Variants in PDE10A observed in about 807,000 individuals in gnomAD.
PDE10A encodes the protein phosphodiesterase 10A.
A neutral mutation model predicts 97.7 loss-of-function variants in PDE10A; 39 were observed. The ratio of observed to expected loss-of-function variants is 0.40; its 90% CI spans 0.31 to 0.52. The LOEUF is 0.52. Among genes scored for constraint, PDE10A ranks in the 20% least tolerant of loss-of-function variants. PDE10A has a pLI of 0.56. For synonymous variants in PDE10A, 371 were observed against 376.8 expected (o/e 0.98, Z 0.18); for missense variants, 731 against 1,047.8 (o/e 0.70, Z 4.17).
At chr6:165,433,467 G>T (rs952666446) in intron 6 of PDE10A, among the ~76,000 whole-genome samples, 6 of 152,170 alleles carry the variant, frequency 3.9e-5, no homozygotes, top group African/African-American at 1.4e-4. Context: ...CAGTCTTAGG[G>T]TGTTTACAGG....
At chr6:165,752,407 T>C (rs1793026656) in intron 1 of PDE10A, among the ~76,000 whole-genome samples, 2 of 152,210 alleles carry the variant, frequency 1.3e-5, no homozygotes, top group Admixed American at 6.5e-5. Flanking sequence ...CGGGACCATG[T>C]GTCCAGCTGC....
Position 165,392,813 on chromosome 6 carries a change from T to G in PDE10A, c.2304-17A>C, listed in dbSNP as rs1317285214. 6.2e-7 allele frequency: 1 copy of G among 1,612,154 alleles called. No individual in the cohort carries two copies. Among genetic ancestry groups the G allele is most frequent in the Non-Finnish European group, 8.5e-7 (1 of 1,178,764 alleles). On this transcript the variant is annotated splice_polypyrimidine_tract_variant and intron_variant, in intron 15 of 21. Coordinates refer to ENST00000539869, the MANE Select transcript of PDE10A (RefSeq NM_001385079.1). ...AGCTCAAAGCTGCATGGAAAAGAAA[T>G]TGTTATGACTGAAACCAGTAGAGAA...
At chr6:165,751,493 TGCCCTTGATGAA>T (rs1793000020) in intron 1 of PDE10A, among the ~76,000 whole-genome samples, 1 of 152,108 alleles carries the variant, frequency 6.6e-6, no homozygotes, top group East Asian at 1.9e-4. Flanking sequence ...CCCCTTGGGG[TGCCCTTGATGAA>T]GCAGGCACCT....
At chr6:165,482,290 T>G in intron 3 of PDE10A, 25 bp downstream of exon 3, 1 of 1,469,626 alleles carries the variant, frequency 6.8e-7, no homozygotes, top group Non-Finnish European at 9.5e-7. Context: ...ACTGCAGTAG[T>G]AGAAATAATA....
rs146651861 is a variant in PDE10A, at chr6:165,770,725, C to T, written c.-615+216804G>A. Among the ~76,000 whole-genome samples the T allele has an allele frequency of 2.2e-3, 332 of 152,314 alleles. 1 individual carries two copies. The highest frequency in any genetic ancestry group is 4.1e-3 in the Non-Finnish European group (278 of 68,020). On this transcript the variant is annotated intron_variant, in intron 1 of 19. Transcript: ENST00000366882. The stretch of plus-strand genomic sequence containing the variant: ...TCTCTGCTCTAAAAACGGGCATTAA[C>T]CTTCAAGCTGGTCTCTAAACCCAGT...
At chr6:165,685,373 TC>T (rs1318292673) in intron 1 of PDE10A, among the ~76,000 whole-genome samples, 1 of 151,862 alleles carries the variant, frequency 6.6e-6, no homozygotes, top group Admixed American at 6.6e-5. Context: ...AATGCATCCT[TC>T]TGCTTGGGGC....
chr6:165,571,987 T>C (rs1370025380), intron 1 of PDE10A, among the ~76,000 whole-genome samples: 1 of 152,212 alleles, frequency 6.6e-6, no homozygotes, highest in Non-Finnish European at 1.5e-5. Flanking sequence ...CTGTGCACCC[T>C]ACTAACATGA....
At chr6:165,753,328 T>G (rs902489584) in intron 1 of PDE10A, among the ~76,000 whole-genome samples, 2 of 152,192 alleles carry the variant, frequency 1.3e-5, no homozygotes, top group Non-Finnish European at 2.9e-5. Flanking sequence ...CTCTTCACAA[T>G]GATCCCCGTA....
chr6:165,888,318 G>A (rs764316027), intron 1 of PDE10A, among the ~76,000 whole-genome samples: 2 of 150,980 alleles, frequency 1.3e-5, no homozygotes, highest in African/African-American at 4.9e-5. Context: ...ATGGAGTCTC[G>A]CTTTGTCGCC....
intron 1 of PDE10A, among the ~76,000 whole-genome samples, chr6:165,954,841 G>A (rs1389088712): frequency 1.3e-5 from 2 of 152,108 alleles, no homozygotes; most frequent in Non-Finnish European, 2.9e-5. Context: ...GGACAGGCCA[G>A]CATTTCTTTC....
At chr6:165,333,357 A>C (rs1781452652) in intron 21 of PDE10A, among the ~76,000 whole-genome samples, 1 of 152,134 alleles carries the variant, frequency 6.6e-6, no homozygotes, top group Admixed American at 6.5e-5. Flanking sequence ...TCCGCTCTGG[A>C]CCGCGAAAGC....
intron 1 of PDE10A, among the ~76,000 whole-genome samples, chr6:165,717,313 A>G (rs1330027289): frequency 6.6e-6 from 1 of 152,224 alleles, no homozygotes; most frequent in African/African-American, 2.4e-5. Context: ...TGTACAGGCC[A>G]GGCACAGTGG....
chr6:165,708,485 T>C (rs974846469), intron 1 of PDE10A, among the ~76,000 whole-genome samples: 1 of 152,022 alleles, frequency 6.6e-6, no homozygotes, highest in Non-Finnish European at 1.5e-5. Context: ...CAGGGACTTC[T>C]GGACGGATAT....
chr6:165,844,971 C>G (rs573602196), intron 1 of PDE10A, among the ~76,000 whole-genome samples: 22 of 152,342 alleles, frequency 1.4e-4, no homozygotes, highest in Admixed American at 1.2e-3. Context: ...TGTATATTCT[C>G]AGCTTTGTAT....
At chr6:165,736,342 A>G (rs2128452288) in intron 1 of PDE10A, among the ~76,000 whole-genome samples, 1 of 152,312 alleles carries the variant, frequency 6.6e-6, no homozygotes, top group African/African-American at 2.4e-5. Context: ...GGTGAGAAAT[A>G]TGTGCTTCTG....
In PDE10A at chr6:165,655,562, AT is replaced by A. The variant is rs1789905210; in HGVS notation, c.865+6384del. On this transcript the variant is annotated intron_variant, in intron 1 of 21. Transcript: ENST00000539869. The surrounding 1 kb of genome is among the most constrained non-coding windows in gnomAD (Gnocchi z 4.5). ...CAAACACCTCCTGAACCACCGCGGCATTTTGCTTCTACCATCATCGCCGTGA... is the reference window on the plus strand; with the variant it reads ...CAAACACCTCCTGAACCACCGCGGCATTTGCTTCTACCATCATCGCCGTGA... 6.6e-6 allele frequency among the ~76,000 whole-genome samples: 1 copy of A among 151,774 alleles called. No homozygotes were observed. The highest frequency in any genetic ancestry group is 2.4e-5 in the African/African-American group (1 of 41,272).
At chr6:165,700,015 GA>G (rs1791530390) in intron 1 of PDE10A, among the ~76,000 whole-genome samples, 3 of 152,176 alleles carry the variant, frequency 2.0e-5, no homozygotes, top group Admixed American at 2.0e-4. Flanking sequence ...AAAAATTAGA[GA>G]AAAAATAATG....
At chr6:165,599,420 AG>A (rs1786802076) in intron 1 of PDE10A, among the ~76,000 whole-genome samples, 4 of 152,146 alleles carry the variant, frequency 2.6e-5, no homozygotes, top group Non-Finnish European at 4.4e-5. Context: ...ACCCTTTCCA[AG>A]CTTCCTTCTG....
chr6:165,753,765 G>T (rs1793057806), intron 1 of PDE10A, among the ~76,000 whole-genome samples: 2 of 152,110 alleles, frequency 1.3e-5, no homozygotes, highest in Non-Finnish European at 2.9e-5. Flanking sequence ...CTACAATGTT[G>T]TTATACTTAG....
Sources: gnomAD v4.1 joint callset for allele counts (sites outside exome capture counted in the v4.1 genomes callset) on GRCh38, gnomAD v4.1.1 for gene constraint, Gnocchi (gnomAD v3.1) non-coding constraint, MANE v1.5 for transcripts, NCBI Gene and HGNC (gene_info 2026-07-23, HGNC 2026-07-21) for gene names.